The following LRMDA variants were observed in gnomAD, a reference collection of about 807,000 sequenced individuals.
The protein encoded by LRMDA is leucine-rich melanocyte differentiation-associated protein.
In LRMDA, 18 loss-of-function variants were observed where a neutral mutation model predicts 29.8. The ratio of observed to expected loss-of-function variants is 0.60; its 90% CI spans 0.42 to 0.90. The LOEUF (loss-of-function observed/expected upper bound fraction) is 0.90. LRMDA is among the 40% of genes least tolerant of loss of function. The probability of loss-of-function intolerance (pLI) is 0.00; values close to 1 mark genes in which losing one functional copy is unlikely to be tolerated. For missense variants in LRMDA, 273 were observed against 273.9 expected (o/e 1.00, Z 0.02); for synonymous variants, 125 against 109.4 (o/e 1.14, Z -0.89).
chr10:76,283,657 A>AC (rs1840234713), intron 5 of LRMDA, among the ~76,000 whole-genome samples: 1 of 152,144 alleles, frequency 6.6e-6, no homozygotes. Flanking sequence ...CCTCATAACA[A>AC]CCCCAGAAAG....
chr10:76,038,019 T>C lies in LRMDA; in HGVS notation c.258+1885T>C, dbSNP rs184195412. Among the ~76,000 whole-genome samples, 246 of 152,288 alleles carry C rather than the reference T, an allele frequency of 1.6e-3. 1 individual carries two copies. The highest frequency in any genetic ancestry group is 6.8e-3 in the Middle Eastern group (2 of 294). ...TTTCCCAATCACTCTTTGAAAAACTTTGTAGTCTTATGGCTTTCTAGGCTG... is the reference window on the plus strand; with the variant it reads ...TTTCCCAATCACTCTTTGAAAAACTCTGTAGTCTTATGGCTTTCTAGGCTG... On this transcript the variant is annotated intron_variant, in intron 3 of 6. Transcript: ENST00000611255.
chr10:75,752,310 C>T (rs1842979051), intron 2 of LRMDA, among the ~76,000 whole-genome samples: 1 of 150,402 alleles, frequency 6.6e-6, no homozygotes, highest in South Asian at 2.1e-4. Flanking sequence ...CTCCCAGGCT[C>T]ATGCCATTCT....
intron 5 of LRMDA, among the ~76,000 whole-genome samples, chr10:76,077,991 C>CT (rs1564646877): frequency 2.2e-4 from 18 of 83,418 alleles, no homozygotes; most frequent in Admixed American, 5.8e-4. Context: ...GCAATATTAA[C>CT]ATTTTTTTTT....
At chr10:76,401,158 A>G (rs756655095) in intron 6 of LRMDA, among the ~76,000 whole-genome samples, 4 of 152,170 alleles carry the variant, frequency 2.6e-5, no homozygotes, top group Non-Finnish European at 4.4e-5. Context: ...AGCTTCCAAT[A>G]TAATGACTTA....
chr10:76,232,949 A>G (rs1210167739), intron 5 of LRMDA, among the ~76,000 whole-genome samples: 1 of 152,238 alleles, frequency 6.6e-6, no homozygotes, highest in Admixed American at 6.5e-5. Context: ...TGGGCATGAC[A>G]GTGAAGAAAA....
chr10:75,896,943 T>A (rs1845593612), intron 2 of LRMDA, among the ~76,000 whole-genome samples: 1 of 152,044 alleles, frequency 6.6e-6, no homozygotes, highest in African/African-American at 2.4e-5. Flanking sequence ...GGTTGTAAAG[T>A]TGAATAAAAG....
chr10:75,643,897 T>C (rs563816588), intron 2 of LRMDA, among the ~76,000 whole-genome samples: 6 of 152,316 alleles, frequency 3.9e-5, no homozygotes, highest in Non-Finnish European at 5.9e-5. Context: ...TCCTGTATTT[T>C]CCCCCCTAAG....
chr10:76,297,899 GTA>G (rs2132356369), intron 5 of LRMDA, among the ~76,000 whole-genome samples: 1 of 152,282 alleles, frequency 6.6e-6, no homozygotes, highest in South Asian at 2.1e-4. Context: ...ACTTATCCAG[GTA>G]CAAATAGGTA....
intron 2 of LRMDA, among the ~76,000 whole-genome samples, chr10:75,708,388 A>G (rs1057060573): frequency 6.6e-6 from 1 of 152,166 alleles, no homozygotes; most frequent in Admixed American, 6.5e-5. Context: ...TAAAGTTTGA[A>G]TTTATGGGTT....
chr10:76,308,849 T>C (rs1336439895), intron 5 of LRMDA, among the ~76,000 whole-genome samples: 1 of 152,200 alleles, frequency 6.6e-6, no homozygotes, highest in Non-Finnish European at 1.5e-5. Context: ...AAAGTCAGTG[T>C]GCGGCTTCTC....
At chr10:75,842,189 T>A (rs562024944) in intron 2 of LRMDA, among the ~76,000 whole-genome samples, 13 of 152,320 alleles carry the variant, frequency 8.5e-5, no homozygotes, top group Non-Finnish European at 1.3e-4. Context: ...TGGAGAAAAA[T>A]CAGAAGAATA....
intron 2 of LRMDA, among the ~76,000 whole-genome samples, chr10:76,020,840 G>A (rs376430225): frequency 5.6e-4 from 86 of 152,376 alleles, no homozygotes; most frequent in African/African-American, 2.0e-3. Flanking sequence ...TTCTGCGCCT[G>A]AGGAATGTCA....
intron 5 of LRMDA, among the ~76,000 whole-genome samples, chr10:76,302,739 T>C (rs774055558): frequency 3.3e-5 from 5 of 152,212 alleles, no homozygotes; most frequent in Non-Finnish European, 5.9e-5. Flanking sequence ...ATTCTTCTCA[T>C]ACAGAGAAAT....
chr10:75,508,544 C>G (rs1845192835), intron 2 of LRMDA, among the ~76,000 whole-genome samples: 2 of 152,184 alleles, frequency 1.3e-5, no homozygotes, highest in South Asian at 4.1e-4. Context: ...TCCTGACAGT[C>G]TAGGCCAGAC....
chr10:76,468,770 A>G (rs891456249), intron 6 of LRMDA, among the ~76,000 whole-genome samples: 4 of 152,208 alleles, frequency 2.6e-5, no homozygotes, highest in African/African-American at 9.7e-5. Context: ...AGACTTGCCC[A>G]ACTCTGAAAT....
intron 2 of LRMDA, among the ~76,000 whole-genome samples, chr10:75,996,196 T>C (rs2132464265): frequency 6.6e-6 from 1 of 152,324 alleles, no homozygotes; most frequent in Admixed American, 6.5e-5. Context: ...ATAATTTGTT[T>C]GTTGAGGCCT....
chr10:76,060,429 A>G (rs1848685870), intron 5 of LRMDA, among the ~76,000 whole-genome samples: 1 of 152,174 alleles, frequency 6.6e-6, no homozygotes, highest in Non-Finnish European at 1.5e-5. Context: ...TGTTCACATC[A>G]TCCTCTAAAG....
intron 2 of LRMDA, among the ~76,000 whole-genome samples, chr10:76,010,947 C>A (rs1246298850): frequency 6.6e-6 from 1 of 152,226 alleles, no homozygotes; most frequent in East Asian, 1.9e-4. Context: ...AAATTCTATT[C>A]ATTGAAAACA....
In LRMDA at chr10:76,041,449, T is replaced by A. The variant is rs541548261; in HGVS notation, c.258+5315T>A. Among the ~76,000 whole-genome samples the A allele has an allele frequency of 2.6e-5, 4 of 152,338 alleles. No individual in the cohort carries two copies. The East Asian group carries it at 7.7e-4, about 29-fold the overall frequency. ...CGTTTCCTTAATTGTTATTTCAGCATGATAAATTTCTGACATATGTGAATA... is the reference window on the plus strand; with the variant it reads ...CGTTTCCTTAATTGTTATTTCAGCAAGATAAATTTCTGACATATGTGAATA... On this transcript the variant is annotated intron_variant, in intron 3 of 6. Transcript: ENST00000611255.
Sources: allele counts gnomAD v4.1 joint callset (sites outside exome capture counted in the v4.1 genomes callset), GRCh38; gene constraint gnomAD v4.1.1; transcripts MANE v1.5; gene names NCBI Gene and HGNC (gene_info 2026-07-23, HGNC 2026-07-21).